NXPH1: variants seen among roughly 807,000 people sequenced by gnomAD.
NXPH1 encodes neurexophilin-1.
NXPH1 carries 5 observed loss-of-function variants against 23.7 expected under a neutral mutation model. That is an observed-to-expected ratio of 0.21 (90% CI 0.11 to 0.44). The LOEUF (loss-of-function observed/expected upper bound fraction) is 0.44, where lower values mean the gene tolerates loss of function less well. Among genes scored for constraint, NXPH1 ranks in the 20% least tolerant of loss-of-function variants. The probability of loss-of-function intolerance (pLI) is 0.99; values close to 1 mark genes in which losing one functional copy is unlikely to be tolerated. For synonymous variants in NXPH1, 144 were observed against 122.2 expected (o/e 1.18, Z -1.18); for missense variants, 324 against 321.6 (o/e 1.01, Z -0.06).
chr7:8,635,514 A>T (rs1195808505), intron 2 of NXPH1, among the ~76,000 whole-genome samples: 3 of 152,222 alleles, frequency 2.0e-5, no homozygotes, highest in African/African-American at 7.2e-5. Context: ...TATCAAGACC[A>T]CTGCTAAATC....
chr7:8,444,694 G>C (rs755228812), intron 2 of NXPH1, among the ~76,000 whole-genome samples: 4 of 152,154 alleles, frequency 2.6e-5, no homozygotes, highest in African/African-American at 9.7e-5. Context: ...TCAGTGCCTC[G>C]TCTTCATCGT....
In NXPH1 at chr7:8,748,768, A is replaced by T. The variant is rs556841962; in HGVS notation, c.55-2240A>T. Reference sequence around the variant, plus strand: ...TGGCTTTTCAGGGTGCTGTCATGGGATACAAACGCATGATGAAGTTGCGTT... The same window carrying T: ...TGGCTTTTCAGGGTGCTGTCATGGGTTACAAACGCATGATGAAGTTGCGTT... On this transcript the variant is annotated intron_variant, in intron 2 of 2. Coordinates refer to ENST00000405863, the MANE Select transcript of NXPH1 (RefSeq NM_152745.3). Among the ~76,000 whole-genome samples, 4 of 152,290 alleles carry T rather than the reference A, an allele frequency of 2.6e-5. No homozygotes were observed. The South Asian group carries it at 8.3e-4, about 32-fold the overall frequency.
chr7:8,706,385 G>A (rs988416088), intron 2 of NXPH1, among the ~76,000 whole-genome samples: 2 of 152,278 alleles, frequency 1.3e-5, no homozygotes, highest in African/African-American at 4.8e-5. Context: ...TAATCCTTCT[G>A]CATTACCTCT....
intron 2 of NXPH1, among the ~76,000 whole-genome samples, chr7:8,596,569 TG>T (rs1271445537): frequency 4.6e-5 from 7 of 152,260 alleles, no homozygotes; most frequent in African/African-American, 1.7e-4. Context: ...TAAAGATGGG[TG>T]TCATTTACCT....
chr7:8,520,554 C>T (rs1159265970), intron 2 of NXPH1, among the ~76,000 whole-genome samples: 1 of 152,114 alleles, frequency 6.6e-6, no homozygotes, highest in South Asian at 2.1e-4. Flanking sequence ...ATCCATTTCC[C>T]CCCAAAGCTG....
At chr7:8,617,738 C>G (rs1819776394) in intron 2 of NXPH1, among the ~76,000 whole-genome samples, 1 of 152,002 alleles carries the variant, frequency 6.6e-6, no homozygotes, top group South Asian at 2.1e-4. Context: ...GATAGAACAA[C>G]AGGGTGACTA....
intron 2 of NXPH1, among the ~76,000 whole-genome samples, chr7:8,515,148 G>A (rs1161794862): frequency 6.6e-6 from 1 of 152,086 alleles, no homozygotes; most frequent in Non-Finnish European, 1.5e-5. Flanking sequence ...ACCTTTTAAA[G>A]GAATTTCTAA....
intron 2 of NXPH1, among the ~76,000 whole-genome samples, chr7:8,735,585 G>A (rs1393225412): frequency 6.6e-6 from 1 of 152,126 alleles, no homozygotes; most frequent in African/African-American, 2.4e-5. Context: ...CAGGGATATT[G>A]GCCTGAAATT....
chr7:8,730,026 A>G (rs1780122807), intron 2 of NXPH1, among the ~76,000 whole-genome samples: 2 of 152,142 alleles, frequency 1.3e-5, no homozygotes, highest in African/African-American at 4.8e-5. Context: ...GGGTGCTCCT[A>G]TATTGGGTGC....
intron 2 of NXPH1, among the ~76,000 whole-genome samples, chr7:8,446,874 C>T (rs1816414243): frequency 1.3e-5 from 2 of 151,744 alleles, no homozygotes; most frequent in South Asian, 4.2e-4. Flanking sequence ...TTCCCCTCCC[C>T]ATTTCATTCC....
chr7:8,502,533 A>C (rs377763648), intron 2 of NXPH1, among the ~76,000 whole-genome samples: 2 of 152,024 alleles, frequency 1.3e-5, no homozygotes, highest in African/African-American at 4.8e-5. Context: ...TAATTTGAGT[A>C]GGGTAAATAC....
At chr7:8,660,668 G>A (rs1820656706) in intron 2 of NXPH1, among the ~76,000 whole-genome samples, 1 of 152,126 alleles carries the variant, frequency 6.6e-6, no homozygotes, top group Non-Finnish European at 1.5e-5. Flanking sequence ...AATAACAACT[G>A]CAGGCTTCTT....
At chr7:8,741,430 G>A (rs1780358497) in intron 2 of NXPH1, among the ~76,000 whole-genome samples, 1 of 152,050 alleles carries the variant, frequency 6.6e-6, no homozygotes, top group Non-Finnish European at 1.5e-5. Context: ...GGGATTGCTG[G>A]ATCAAATGGT....
chr7:8,642,876 T>C (rs1344656585), intron 2 of NXPH1, among the ~76,000 whole-genome samples: 1 of 138,364 alleles, frequency 7.2e-6, no homozygotes, highest in Admixed American at 7.8e-5. Context: ...TCTTTTCTTA[T>C]TTTTTTGAAA....
Position 8,435,855 on chromosome 7 carries a change from G to A in NXPH1, c.54+88G>A, listed in dbSNP as rs1816184711. ...GGACACGCGGGAGAAGGGTTACGCC[G>A]CCAGTTCAGTGAGAGCAGCTTCCTA... is the stretch of plus-strand genomic sequence containing the variant. On this transcript the variant is annotated intron_variant, in intron 2 of 2. Transcript: ENST00000405863. The surrounding 1 kb of genome is among the most constrained non-coding windows in gnomAD (Gnocchi z 5.9). 8 of 1,252,932 alleles carry A rather than the reference G, an allele frequency of 6.4e-6. No individual in the cohort carries two copies. Among genetic ancestry groups the A allele is most frequent in the African/African-American group, 3.0e-5 (2 of 67,578 alleles). 77.6% of individuals were successfully genotyped at this position (1,252,932 alleles called of 1,614,324 possible).
intron 2 of NXPH1, among the ~76,000 whole-genome samples, chr7:8,636,472 C>T (rs1427589907): frequency 6.6e-6 from 1 of 152,210 alleles, no homozygotes; most frequent in Non-Finnish European, 1.5e-5. Context: ...CACATGCCTA[C>T]AGCCCATAAT....
intron 2 of NXPH1, among the ~76,000 whole-genome samples, chr7:8,466,611 G>GT (rs1816790232): frequency 6.6e-6 from 1 of 152,010 alleles, no homozygotes; most frequent in African/African-American, 2.4e-5. Context: ...CGTATTCTTA[G>GT]TTTTTAGTAT....
intron 2 of NXPH1, among the ~76,000 whole-genome samples, chr7:8,737,345 G>A (rs191514004): frequency 7.4e-4 from 112 of 152,280 alleles, no homozygotes; most frequent in African/African-American, 2.3e-3. Flanking sequence ...AGATATCTCA[G>A]CATTTGCTTG....
intron 2 of NXPH1, among the ~76,000 whole-genome samples, chr7:8,556,067 C>T (rs563472967): frequency 6.6e-6 from 1 of 151,764 alleles, no homozygotes; most frequent in African/African-American, 2.4e-5. Flanking sequence ...TTGTATTCGT[C>T]CTTCTTCCCT....
Sources: allele counts gnomAD v4.1 joint callset (sites outside exome capture counted in the v4.1 genomes callset), GRCh38; gene constraint gnomAD v4.1.1; non-coding constraint Gnocchi (gnomAD v3.1); transcripts MANE v1.5; gene names NCBI Gene and HGNC (gene_info 2026-07-23, HGNC 2026-07-21).